Variants in URB1 observed in about 807,000 individuals in gnomAD.
The protein encoded by URB1 is URB1 ribosome biogenesis factor.
A neutral mutation model predicts 242.3 loss-of-function variants in URB1; 197 were observed. The ratio of observed to expected loss-of-function variants is 0.81; its 90% confidence interval spans 0.72 to 0.91. The LOEUF (loss-of-function observed/expected upper bound fraction) is 0.91, where lower values mean the gene tolerates loss of function less well. Among genes scored for constraint, URB1 ranks in the 40% least tolerant of loss-of-function variants. The probability of loss-of-function intolerance (pLI) is 0.00; values close to 1 mark genes in which losing one functional copy is unlikely to be tolerated. For missense variants in URB1, 2,721 were observed against 2,860.5 expected, an observed-to-expected ratio of 0.95 and a Z score of 1.11; for synonymous variants, 1,153 against 1,201.8, an observed-to-expected ratio of 0.96 and a Z score of 0.84.
Position 32,363,527 on chromosome 21 carries a change from G to A in URB1, c.1336-198C>T, listed in dbSNP as rs554739456. ...TCCTCTGGGTCTGACTTCAGCAATT[G>A]CCAGGAAATGACCACTAATGGTGGC... On this transcript the variant is annotated intron_variant, in intron 10 of 38. Transcript: ENST00000382751. 3.8e-4 allele frequency among the ~76,000 whole-genome samples: 58 copies of A among 152,274 alleles called. No homozygotes were observed. The Middle Eastern group carries it at 0.01, about 27-fold the overall frequency.
In URB1 at chr21:32,316,703, G is replaced by C; in HGVS notation, c.6397C>G (p.Pro2133Ala). ...GWLKSHILPH[P>A]VVVADLLKDS... Reference sequence around the variant, plus strand: ...TTAAGGAGGTCAGCCACGACCACAGGGTGTGGCAAAATATGGCTCTTAAGC... The same window carrying C: ...TTAAGGAGGTCAGCCACGACCACAGCGTGTGGCAAAATATGGCTCTTAAGC... The change falls in exon 38 of 39, where the codon CCT becomes GCT. Residue 2133 changes from proline (P) to alanine (A), a missense_variant. Coordinates refer to ENST00000382751, the MANE Select transcript of URB1 (RefSeq NM_014825.3). The C allele has an allele frequency of 1.3e-6, 2 of 1,551,402 alleles. No individual in the cohort carries two copies. Among genetic ancestry groups the C allele is most frequent in the Admixed American group, 2.0e-5 (1 of 51,006 alleles).
chr21:32,348,674 A>T (rs959409664), intron 21 of URB1, among the ~76,000 whole-genome samples: 1 of 152,228 alleles, frequency 6.6e-6, no homozygotes, highest in African/African-American at 2.4e-5. Flanking sequence ...TTTACCAGTT[A>T]AAAACAGCAA....
chr21:32,348,366 T>C (rs11911078), intron 21 of URB1, among the ~76,000 whole-genome samples: 3,788 of 152,242 alleles, frequency 0.025, 148 homozygotes, highest in African/African-American at 0.087. Context: ...ACCGTGTGTC[T>C]ACGATCCTGA....
chr21:32,347,932 A>G, intron 21 of URB1, 121 bp from the exon 22 acceptor site: 1 of 1,384,476 alleles, frequency 7.2e-7, no homozygotes, highest in South Asian at 1.5e-5. Context: ...CCCTTTCCTA[A>G]TCCATTCCAT....
chr21:32,367,577 A>G (rs1421218114), intron 9 of URB1, among the ~76,000 whole-genome samples: 8 of 147,868 alleles, frequency 5.4e-5, no homozygotes, highest in African/African-American at 2.1e-4. Flanking sequence ...GTCAGGCATT[A>G]CTGCCAAAGA....
At position 32,322,598 on chromosome 21, in the gene URB1, C is replaced by CA. The variant is rs763616245; in HGVS notation, c.5234-15dup. Reference sequence around the variant, plus strand: ...ACATGTGCTCCTCTGAGAACACAGGCAGTCAGTCAGTCATGGCAGGCCCCA... The same window carrying CA: ...ACATGTGCTCCTCTGAGAACACAGGCAAGTCAGTCAGTCATGGCAGGCCCCA... On this transcript the variant is annotated splice_polypyrimidine_tract_variant and intron_variant, in intron 32 of 38. Coordinates refer to ENST00000382751, the MANE Select transcript of URB1 (RefSeq NM_014825.3). 16 of 1,542,332 alleles carry CA rather than the reference C, an allele frequency of 1.0e-5. No homozygotes were observed. In the East Asian group the frequency reaches 3.9e-4, roughly 38 times the overall value.
At chr21:32,373,324 G>A (rs2033425562) in intron 7 of URB1, among the ~76,000 whole-genome samples, 1 of 152,110 alleles carries the variant, frequency 6.6e-6, no homozygotes, top group Admixed American at 6.6e-5. Context: ...GGAAGGCAGA[G>A]GTAAAGCAAG....
Position 32,363,164 on chromosome 21 carries a change from G to A in URB1, c.1501C>T (p.Leu501=). 1 of 1,551,654 alleles carries A rather than the reference G, an allele frequency of 6.4e-7. No individual in the cohort carries two copies. The highest frequency in any genetic ancestry group is 8.7e-7 in the Non-Finnish European group (1 of 1,146,992). ...CCCAGATCAGAGCCTACCTTGCTCAGGGCTTCTCTGAAGAGCTGCACGAAT... is the reference window on the plus strand; with the variant it reads ...CCCAGATCAGAGCCTACCTTGCTCAAGGCTTCTCTGAAGAGCTGCACGAAT... ...EEFVQLFREA[L]SKILPDLNTV... is the part of the protein sequence containing the mutation. The change falls in exon 11 of 39, where the codon CTG becomes TTG. Residue 501 remains leucine (L), a synonymous_variant. Coordinates refer to ENST00000382751, the MANE Select transcript of URB1 (RefSeq NM_014825.3).
chr21:32,387,295 C>T lies in URB1; in HGVS notation c.143-1611G>A, dbSNP rs138284992. Among the ~76,000 whole-genome samples, 555 of 152,264 alleles carry T rather than the reference C, an allele frequency of 3.6e-3. 5 individuals carry two copies. The highest frequency in any genetic ancestry group is 0.024 in the Middle Eastern group (7 of 294). On this transcript the variant is annotated intron_variant, in intron 1 of 38. Coordinates refer to ENST00000382751, the MANE Select transcript of URB1 (RefSeq NM_014825.3). ...TGCCAGAACCTGTTCTATAAAACTG[C>T]CTTTCAGAGAATCACTTGAACCTGC... is the stretch of plus-strand genomic sequence containing the variant.
intron 15 of URB1, among the ~76,000 whole-genome samples, 172 bp from the exon 16 acceptor site, chr21:32,355,737 T>C (rs544845608): frequency 5.0e-4 from 76 of 152,350 alleles, no homozygotes; most frequent in Non-Finnish European, 9.0e-4. Flanking sequence ...GCCTCCTGAG[T>C]AGCTGGGACT....
intron 10 of URB1, among the ~76,000 whole-genome samples, chr21:32,365,896 C>T (rs2033341183): frequency 6.6e-6 from 1 of 152,210 alleles, no homozygotes; most frequent in African/African-American, 2.4e-5. Context: ...CGAAGACACC[C>T]TTCTGAATAC....
chr21:32,372,443 C>G, intron 8 of URB1, 64 bp downstream of exon 8: 1 of 1,510,902 alleles, frequency 6.6e-7, no homozygotes, highest in Non-Finnish European at 8.8e-7. Context: ...ACTAGACACT[C>G]ACATATGTGG....
chr21:32,341,552 C>A, intron 24 of URB1, 28 bp from the exon 25 acceptor site: 2 of 1,546,160 alleles, frequency 1.3e-6, no homozygotes, highest in Middle Eastern at 3.3e-4. Flanking sequence ...AAGAAAAACA[C>A]ATGAAACATC....
intron 7 of URB1, among the ~76,000 whole-genome samples, chr21:32,373,070 A>C (rs1322311619): frequency 6.6e-6 from 1 of 152,144 alleles, no homozygotes; most frequent in Non-Finnish European, 1.5e-5. Context: ...TGCCTTTACT[A>C]CTCTGGCCAA....
chr21:32,347,111 A>T lies in URB1; in HGVS notation c.3713T>A (p.Leu1238His), dbSNP rs535558104. Residue 1238 changes from leucine to histidine, a missense_variant, in exon 22 of 39, where the codon CTC (leucine) becomes CAC (histidine). By Grantham distance (99) the Leu-to-His change is moderately conservative. Coordinates refer to ENST00000382751, the MANE Select transcript of URB1 (RefSeq NM_014825.3). ...CAGCAAGTGGGTGCAGCTCTCCTGG[A>T]GGAGCAGGGCAGCGATGCTGAGGGC... ...QAALSIAALL[L>H]QESCTHLLWF... 2 of 1,549,926 alleles carry T rather than the reference A, an allele frequency of 1.3e-6. No individual in the cohort carries two copies. The highest frequency in any genetic ancestry group is 1.2e-5 in the South Asian group (1 of 84,014).
Position 32,314,467 on chromosome 21 carries a change from G to T in URB1, c.*451C>A, listed in dbSNP as rs552066667. On this transcript the variant is annotated 3_prime_UTR_variant, in exon 39 of 39. Coordinates refer to ENST00000382751, the MANE Select transcript of URB1 (RefSeq NM_014825.3). ...CCCAAAGTGCTGGGATTATAGGCGTGAGCCACCTCACCTGCTGAAAAATAA... is the reference window on the plus strand; with the variant it reads ...CCCAAAGTGCTGGGATTATAGGCGTTAGCCACCTCACCTGCTGAAAAATAA... 3 of 1,298,292 alleles carry T rather than the reference G, an allele frequency of 2.3e-6. No individual in the cohort carries two copies. The African/African-American group carries it at 4.4e-5, about 19-fold the overall frequency. The allele number at this position is 1,298,292 out of a possible 1,614,324, so 80.4% of individuals were successfully genotyped here.
intron 29 of URB1, 95 bp downstream of exon 29, chr21:32,334,068 A>G: frequency 7.3e-7 from 1 of 1,371,636 alleles, no homozygotes; most frequent in Non-Finnish European, 9.7e-7. Flanking sequence ...CTTAATAAAA[A>G]GGTAAATAAC....
rs2032618333 is a variant in URB1, at chr21:32,313,083, A to T, written c.*1835T>A. The stretch of plus-strand genomic sequence containing the variant: ...CTGAAAATGTGTCCTCACTTGACTG[A>T]GCTGGAACTCGGCTTTGGAGCATTT... On this transcript the variant is annotated 3_prime_UTR_variant, in exon 39 of 39. Transcript: ENST00000382751. 6.6e-6 allele frequency: 1 copy of T among 152,250 alleles called. No homozygotes were observed. Among genetic ancestry groups the T allele is most frequent in the South Asian group, 2.1e-4 (1 of 4,828 alleles). 9.4% of individuals were successfully genotyped at this position (152,250 alleles called of 1,614,324 possible).
rs1429526471 is a variant in URB1 at position 32,345,358 on chromosome 21, A to G, written c.4070+16T>C. 6 of 1,549,932 alleles carry G rather than the reference A, an allele frequency of 3.9e-6. No individual in the cohort carries two copies. The highest frequency in any genetic ancestry group is 2.7e-5 in the African/African-American group (2 of 72,926). On this transcript the variant is annotated intron_variant, in intron 23 of 38. Transcript: ENST00000382751. ...CCGAGAGTGGAACATCCTGCAACCA[A>G]CCTGAGCCTTCATACCTCTTGTGAC...
Sources: gnomAD v4.1 joint callset for allele counts (sites outside exome capture counted in the v4.1 genomes callset) on GRCh38, gnomAD v4.1.1 for gene constraint, MANE v1.5 for transcripts, NCBI Gene and HGNC (gene_info 2026-07-23, HGNC 2026-07-21) for gene names.